The following LRRK2 variants were observed in gnomAD, a reference collection of about 807,000 sequenced individuals.
The protein encoded by LRRK2 is leucine rich repeat kinase 2, also known as leucine-rich repeat serine/threonine-protein kinase 2.
Under a neutral mutation model 302.6 loss-of-function variants are expected in LRRK2, and 203 were observed. The observed-to-expected ratio is 0.67, with a 90% CI of 0.60 to 0.75. LRRK2 has a LOEUF of 0.75. Among genes scored for constraint, LRRK2 ranks in the 30% least tolerant of loss-of-function variants. The pLI is 0.00. For synonymous variants in LRRK2, 1,066 were observed against 1,031.9 expected, an observed-to-expected ratio of 1.03 and a Z score of -0.63; for missense variants, 2,830 against 2,951.0, an observed-to-expected ratio of 0.96 and a Z score of 0.95.
chr12:40,295,396 A>G, intron 22 of LRRK2, 31 bp from the exon 23 acceptor site: 1 of 1,587,154 alleles, frequency 6.3e-7, no homozygotes, highest in Non-Finnish European at 8.6e-7. Flanking sequence ...ATTTGCTTAT[A>G]TTTCCATTGT....
chr12:40,308,706 T>C lies in LRRK2; in HGVS notation c.4189+10T>C. The C allele has an allele frequency of 6.2e-7, 1 of 1,610,720 alleles. No homozygotes were observed. Among genetic ancestry groups the C allele is most frequent in the African/African-American group, 1.3e-5 (1 of 74,908 alleles). On this transcript the variant is annotated intron_variant, in intron 29 of 50. Transcript: ENST00000298910. ...GTGTGGGATTTTGCAGGTATTTCTT[T>C]CTATAGAATTTTAAAATTCACTTTT...
intron 23 of LRRK2, among the ~76,000 whole-genome samples, chr12:40,296,337 G>T (rs1442620130): frequency 6.6e-6 from 1 of 152,096 alleles, no homozygotes; most frequent in Non-Finnish European, 1.5e-5. Context: ...TGTTTAAATT[G>T]TTAAATTCTC....
At chr12:40,344,495 T>G (rs1480375754) in intron 41 of LRRK2, among the ~76,000 whole-genome samples, 2 of 152,220 alleles carry the variant, frequency 1.3e-5, no homozygotes, top group Non-Finnish European at 1.5e-5. Context: ...TTGCTGTTCA[T>G]TATCTGTGTG....
chr12:40,269,211 T>A (rs1018351247), intron 14 of LRRK2, among the ~76,000 whole-genome samples: 1 of 152,206 alleles, frequency 6.6e-6, no homozygotes, highest in Non-Finnish European at 1.5e-5. Flanking sequence ...TAGACATGAA[T>A]GTTCACTGTG....
At chr12:40,306,035 T>C in intron 28 of LRRK2, 69 bp downstream of exon 28, 1 of 1,183,810 alleles carries the variant, frequency 8.4e-7, no homozygotes, top group Non-Finnish European at 1.2e-6. Context: ...GTGACTTTGA[T>C]GGACATATAT....
chr12:40,245,121 T>G (rs565577244), intron 7 of LRRK2, among the ~76,000 whole-genome samples: 31 of 152,240 alleles, frequency 2.0e-4, no homozygotes, highest in Middle Eastern at 3.4e-3. Context: ...TTTACTCTTT[T>G]TTATGTATCT....
chr12:40,304,964 A>T (rs1343199853), intron 27 of LRRK2: 1 of 152,036 alleles, frequency 6.6e-6, no homozygotes, highest in East Asian at 1.9e-4. Context: ...CTCTTAAATA[A>T]ACCATTTTTC....
At chr12:40,342,418 C>G (rs1946071490) in intron 41 of LRRK2, among the ~76,000 whole-genome samples, 2 of 151,750 alleles carry the variant, frequency 1.3e-5, no homozygotes, top group African/African-American at 4.8e-5. Context: ...TGTCAGAAAC[C>G]CAGGGCCTAA....
At chr12:40,295,297 G>A (rs1944336762) in intron 22 of LRRK2, 130 bp from the exon 23 acceptor site, 1 of 787,982 alleles carries the variant, frequency 1.3e-6, no homozygotes, top group African/African-American at 1.7e-5. Flanking sequence ...AAACTCCATA[G>A]TTTGGTTTTC....
In LRRK2 at chr12:40,278,019, A is replaced by C. The variant is rs200986825; in HGVS notation, c.2070+3A>C. 8.1e-6 allele frequency: 13 copies of C among 1,613,854 alleles called. No homozygotes were observed. Among genetic ancestry groups the C allele is most frequent in the Non-Finnish European group, 2.5e-6 (3 of 1,179,972 alleles). On this transcript the variant is annotated splice_donor_region_variant and intron_variant, in intron 17 of 50. Transcript: ENST00000298910. ...TCATGGAACAAAAGGATCAACAGGT[A>C]CAGTGTTTTTCACTTGCATCCTAAA...
intron 14 of LRRK2, among the ~76,000 whole-genome samples, chr12:40,267,070 A>G (rs1435797467): frequency 6.6e-6 from 1 of 152,174 alleles, no homozygotes; most frequent in Non-Finnish European, 1.5e-5. Context: ...CCAACATGGC[A>G]CATGTATACA....
intron 47 of LRRK2, among the ~76,000 whole-genome samples, chr12:40,361,069 T>C (rs1436208588): frequency 6.6e-6 from 1 of 152,106 alleles, no homozygotes; most frequent in Non-Finnish European, 1.5e-5. Flanking sequence ...GAAAATAATA[T>C]GATACCTGGG....
intron 43 of LRRK2, among the ~76,000 whole-genome samples, chr12:40,349,622 AGTGATCCTG>A (rs1946295863): frequency 6.6e-6 from 1 of 152,130 alleles, no homozygotes; most frequent in Admixed American, 6.5e-5. Context: ...CCTGGGCTCA[AGTGATCCTG>A]TCGCCTCAGT....
chr12:40,353,162 C>A (rs1180916517), intron 44 of LRRK2, among the ~76,000 whole-genome samples: 1 of 150,572 alleles, frequency 6.6e-6, no homozygotes, highest in African/African-American at 2.4e-5. Context: ...GGCTGCTGGG[C>A]GGAGGGGCTC....
chr12:40,248,065 A>C (rs1286107202), intron 7 of LRRK2, among the ~76,000 whole-genome samples: 1 of 152,048 alleles, frequency 6.6e-6, no homozygotes, highest in East Asian at 1.9e-4. Context: ...ATTATTTTTC[A>C]TGAGAAGGTT....
chr12:40,271,272 A>C (rs1321501623), intron 14 of LRRK2, among the ~76,000 whole-genome samples: 1 of 152,198 alleles, frequency 6.6e-6, no homozygotes, highest in Non-Finnish European at 1.5e-5. Context: ...AAAATCAGAG[A>C]TGGGATTTAT....
At chr12:40,358,695 G>A (rs553418447) in intron 46 of LRRK2, among the ~76,000 whole-genome samples, 2 of 150,650 alleles carry the variant, frequency 1.3e-5, no homozygotes, top group African/African-American at 4.9e-5. Flanking sequence ...GATTGTTTTG[G>A]CTATTTTGGC....
chr12:40,302,328 C>T (rs1009312592), intron 25 of LRRK2, among the ~76,000 whole-genome samples: 2 of 151,812 alleles, frequency 1.3e-5, no homozygotes, highest in Admixed American at 1.3e-4. Context: ...TTAAATAACA[C>T]CCATTATTAT....
chr12:40,249,664 A>G (rs1942165548), intron 7 of LRRK2, among the ~76,000 whole-genome samples, 162 bp from the exon 8 acceptor site: 1 of 152,180 alleles, frequency 6.6e-6, no homozygotes, highest in East Asian at 1.9e-4. Flanking sequence ...AAAATTTCAA[A>G]ACTTTACTCA....
Sources: gnomAD v4.1 joint callset for allele counts (sites outside exome capture counted in the v4.1 genomes callset) on GRCh38, gnomAD v4.1.1 for gene constraint, MANE v1.5 for transcripts, NCBI Gene and HGNC (gene_info 2026-07-23, HGNC 2026-07-21) for gene names.